The following THBS2 variants were observed in gnomAD, a reference collection of about 807,000 sequenced individuals.
THBS2 encodes thrombospondin-2.
Under a neutral mutation model 135.2 loss-of-function variants are expected in THBS2, and 47 were observed. That is an observed-to-expected ratio of 0.35 (90% CI 0.28 to 0.44). The LOEUF is 0.44. THBS2 is among the 20% of genes least tolerant of loss of function. The pLI, the probability that THBS2 is intolerant of heterozygous loss-of-function variation, is 1.00. For missense variants in THBS2, 1,288 were observed against 1,603.1 expected (o/e 0.80, Z 3.36); for synonymous variants, 639 against 633.8 (o/e 1.01, Z -0.12).
chr6:169,231,119 T>C (rs556837978), intron 13 of THBS2, among the ~76,000 whole-genome samples: 54 of 152,240 alleles, frequency 3.5e-4, no homozygotes, highest in African/African-American at 1.2e-3. Context: ...TCACCTGATA[T>C]GGCTGAAGTG....
At chr6:169,239,377 G>A (rs1780212810) in intron 7 of THBS2, 3 of 568,316 alleles carry the variant, frequency 5.3e-6, no homozygotes, top group Non-Finnish European at 3.1e-6. Flanking sequence ...ATCAGGACTG[G>A]CCTTCCCACC....
chr6:169,237,284 C>T lies in THBS2; in HGVS notation c.1363G>A (p.Val455Ile). Residue 455 changes from valine (V) to isoleucine (I), a missense_variant, in exon 9 of 22, where the codon GTT becomes ATT. Coordinates refer to ENST00000617924, the MANE Select transcript of THBS2 (RefSeq NM_003247.5). ...AGACGGATGCGTGTGATATTGCCAA[C>T]TCCACAGGTCACAGAGCATGAAGAC... ...PWSSCSVTCG[V>I]GNITRIRLCN... is the part of the protein sequence containing the mutation. The T allele has an allele frequency of 6.2e-7, 1 of 1,613,514 alleles. No homozygotes were observed.
chr6:169,232,094 C>CT lies in THBS2; in HGVS notation c.2036dup (p.Cys680ValfsTer40). On this transcript the variant is annotated frameshift_variant, in exon 13 of 22. Coordinates refer to ENST00000617924, the MANE Select transcript of THBS2 (RefSeq NM_003247.5). LOFTEE classifies it high-confidence loss of function. ...CGTCGCCCGCGTAGCCTGTCTGGCACTCGCACTTGTACATGGGGTCGCTGA... is the reference window on the plus strand; with the variant it reads ...CGTCGCCCGCGTAGCCTGTCTGGCACTTCGCACTTGTACATGGGGTCGCTGA... 1 of 1,614,132 alleles carries CT rather than the reference C, an allele frequency of 6.2e-7. No individual in the cohort carries two copies. The highest frequency in any genetic ancestry group is 8.5e-7 in the Non-Finnish European group (1 of 1,179,998).
chr6:169,228,204 G>A lies in THBS2; in HGVS notation c.2337C>T (p.Cys779=), dbSNP rs1329919880. The A allele has an allele frequency of 1.2e-6, 2 of 1,614,130 alleles. No homozygotes were observed. Among genetic ancestry groups the A allele is most frequent in the Admixed American group, 3.3e-5 (2 of 60,012 alleles). Residue 779 remains cysteine, a synonymous_variant, in exon 15 of 22, where the codon TGC becomes TGT. Coordinates refer to ENST00000617924, the MANE Select transcript of THBS2 (RefSeq NM_003247.5). ...KDEVGDRCDN[C]PYVHNPAQID... ...TCTGGGCAGGGTTGTGCACGTAAGGGCAGTTGTCACAGCGGTCCCCAACCT... is the reference window on the plus strand; with the variant it reads ...TCTGGGCAGGGTTGTGCACGTAAGGACAGTTGTCACAGCGGTCCCCAACCT...
intron 2 of THBS2, 108 bp from the exon 3 acceptor site, chr6:169,249,081 C>T: frequency 9.5e-7 from 1 of 1,054,998 alleles, no homozygotes; most frequent in Non-Finnish European, 1.3e-6. Context: ...TTAACGAGGC[C>T]TCCCAATATC....
chr6:169,221,448 G>A lies in THBS2; in HGVS notation c.3353C>T (p.Pro1118Leu). 6.2e-7 allele frequency: 1 copy of A among 1,613,978 alleles called. No individual in the cohort carries two copies. Among genetic ancestry groups the A allele is most frequent in the Non-Finnish European group, 8.5e-7 (1 of 1,180,028 alleles). The change falls in exon 20 of 22, where the codon CCC (proline) becomes CTC (leucine). Residue 1118 changes from proline to leucine, a missense_variant. Physicochemically the swap from Pro to Leu is moderately conservative, Grantham distance 98. Coordinates refer to ENST00000617924, the MANE Select transcript of THBS2 (RefSeq NM_003247.5). Reference sequence around the variant, plus strand: ...CCCTCACCTGATGTAGCCAGTCTTGGGCCTGTGAGTCAGGTGCCACCTATA... The same window carrying A: ...CCCTCACCTGATGTAGCCAGTCTTGAGCCTGTGAGTCAGGTGCCACCTATA... ...TAYRWHLTHR[P>L]KTGYIRVLVH... is the part of the protein sequence containing the mutation.
intron 6 of THBS2, among the ~76,000 whole-genome samples, chr6:169,240,004 T>A (rs1268042934): frequency 6.6e-6 from 1 of 152,210 alleles, no homozygotes; most frequent in African/African-American, 2.4e-5. Flanking sequence ...CAGGAACTCC[T>A]GTTATCTAAG....
Position 169,248,854 on chromosome 6 carries a change from C to G in THBS2, c.172G>C (p.Val58Leu), listed in dbSNP as rs1041780113. The G allele has an allele frequency of 1.2e-6, 2 of 1,611,688 alleles. No homozygotes were observed. Among genetic ancestry groups the G allele is most frequent in the Non-Finnish European group, 1.7e-6 (2 of 1,180,018 alleles). ...ACCGGTGGGATGTAGTCAAAGCGCA[C>G]GAAGCGGTAAGCCGGCACGCCGGGG... Reference protein sequence around the residue: ...PDPGVPAYRFVRFDYIPPVNA... With the variant: ...PDPGVPAYRFLRFDYIPPVNA... Residue 58 changes from valine (V) to leucine (L), a missense_variant, in exon 3 of 22, where the codon GTG becomes CTG. Around this residue, in one of 2 missense-constraint regions of THBS2, gnomAD observed 414 missense variants for 447.0 expected, o/e 0.93. Coordinates refer to ENST00000617924, the MANE Select transcript of THBS2 (RefSeq NM_003247.5).
chr6:169,241,930 T>C lies in THBS2; in HGVS notation c.723A>G (p.Thr241=). Residue 241 remains threonine, a synonymous_variant, in exon 5 of 22, where the codon ACA becomes ACG. Coordinates refer to ENST00000617924, the MANE Select transcript of THBS2 (RefSeq NM_003247.5). The surrounding 1 kb of genome is among the most constrained non-coding windows in gnomAD (Gnocchi z 5.5). ...GAEINAISEN[T]ETLRLGPHVT... ...CATGCGGACCCAGGCGCAGCGTCTC[T>C]GTGTTCTCACTGATGGCGTTGATCT... The C allele has an allele frequency of 6.2e-7, 1 of 1,611,318 alleles. No homozygotes were observed. The highest frequency in any genetic ancestry group is 8.5e-7 in the Non-Finnish European group (1 of 1,179,594).
intron 18 of THBS2, 121 bp from the exon 19 acceptor site, chr6:169,222,589 G>A: frequency 9.2e-7 from 1 of 1,092,780 alleles, no homozygotes; most frequent in Non-Finnish European, 1.3e-6. Flanking sequence ...GAGGTCAAGA[G>A]TTCGAGACTG....
Position 169,232,025 on chromosome 6 carries a change from G to A in THBS2, c.2106C>T (p.Asn702=), listed in dbSNP as rs1316196419. 1.9e-6 allele frequency: 3 copies of A among 1,613,936 alleles called. No individual in the cohort carries two copies. In the African/African-American group the frequency reaches 4.0e-5, roughly 22 times the overall value. ...CGTTGGTGGCGCAGACCAGATTGAG[G>A]TTGGGCCAGCCGTCCAGGTCCGAGT... ...GEDSDLDGWP[N]LNLVCATNAT... Residue 702 remains asparagine (N), a synonymous_variant, in exon 13 of 22, where the codon AAC becomes AAT. Transcript: ENST00000617924.
At chr6:169,224,555 G>T (rs1442265531) in intron 17 of THBS2, among the ~76,000 whole-genome samples, 2 of 152,220 alleles carry the variant, frequency 1.3e-5, no homozygotes, top group African/African-American at 4.8e-5. Context: ...CCCACTCCAA[G>T]TGAGGGCCAC....
At chr6:169,235,297 C>T (rs1404325385) in intron 9 of THBS2, among the ~76,000 whole-genome samples, 1 of 152,004 alleles carries the variant, frequency 6.6e-6, no homozygotes, top group Non-Finnish European at 1.5e-5. Context: ...GCTGGGATTA[C>T]AGGCATGAGC....
At position 169,221,436 on chromosome 6, in the gene THBS2, T is replaced by A. The variant is rs767278922; in HGVS notation, c.3365A>T (p.Tyr1122Phe). Reference sequence around the variant, plus strand: ...TGTGCTGACCTGCCCTCACCTGATGTAGCCAGTCTTGGGCCTGTGAGTCAG... The same window carrying A: ...TGTGCTGACCTGCCCTCACCTGATGAAGCCAGTCTTGGGCCTGTGAGTCAG... ...WHLTHRPKTG[Y>F]IRVLVHEGKQ... is the part of the protein sequence containing the mutation. The change falls in exon 20 of 22, where the codon TAC becomes TTC. Residue 1122 changes from tyrosine (Y) to phenylalanine (F), a missense_variant. This residue lies in a region of THBS2 where 874 missense variants were observed against 1,156.1 expected (regional missense o/e 0.76). Transcript: ENST00000617924. 1.2e-6 allele frequency: 2 copies of A among 1,613,958 alleles called. No homozygotes were observed. Among genetic ancestry groups the A allele is most frequent in the East Asian group, 4.5e-5 (2 of 44,878 alleles).
At chr6:169,248,175 T>TTG (rs141353005) in intron 3 of THBS2, among the ~76,000 whole-genome samples, 11 of 149,600 alleles carry the variant, frequency 7.4e-5, no homozygotes, top group African/African-American at 2.0e-4. Context: ...GCATGTGTGT[T>TTG]TGTGTGTGTG....
chr6:169,241,798 G>A lies in THBS2; in HGVS notation c.855C>T (p.Val285=), dbSNP rs1780309464. ...NMVQELSGLH[V]LVNQLSENLK... The stretch of plus-strand genomic sequence containing the variant: ...GGTTCTCGCTGAGCTGGTTCACGAG[G>A]ACGTGGAGCCCCGAGAGCTCCTGGA... Residue 285 remains valine, a synonymous_variant, in exon 5 of 22, where the codon GTC becomes GTT. Coordinates refer to ENST00000617924, the MANE Select transcript of THBS2 (RefSeq NM_003247.5). The surrounding 1 kb of genome is among the most constrained non-coding windows in gnomAD (Gnocchi z 5.5). 2 of 1,611,954 alleles carry A rather than the reference G, an allele frequency of 1.2e-6. No homozygotes were observed. Among genetic ancestry groups the A allele is most frequent in the South Asian group, 2.2e-5 (2 of 91,026 alleles).
chr6:169,245,305 G>A (rs1237832500), intron 4 of THBS2, among the ~76,000 whole-genome samples: 2 of 152,226 alleles, frequency 1.3e-5, no homozygotes, highest in African/African-American at 4.8e-5. Context: ...TCATTCTGAA[G>A]ATTAGATGAT....
chr6:169,222,595 G>A (rs1042924584), intron 18 of THBS2, 127 bp from the exon 19 acceptor site: 4 of 1,017,654 alleles, frequency 3.9e-6, no homozygotes, highest in Admixed American at 4.4e-5. Flanking sequence ...AAGAGTTCGA[G>A]ACTGGTCTGA....
chr6:169,235,966 C>G (rs1406498666), intron 9 of THBS2, among the ~76,000 whole-genome samples: 1 of 99,460 alleles, frequency 1.0e-5, no homozygotes, highest in Non-Finnish European at 2.2e-5. Context: ...ACACTCACTC[C>G]CCCATCCACA....
Sources: allele counts gnomAD v4.1 joint callset (sites outside exome capture counted in the v4.1 genomes callset), GRCh38; gene constraint gnomAD v4.1.1; regional missense constraint gnomAD v4.1.1; non-coding constraint Gnocchi (gnomAD v3.1); transcripts MANE v1.5; gene names NCBI Gene and HGNC (gene_info 2026-07-23, HGNC 2026-07-21).